EHBP1: variants seen among roughly 807,000 people sequenced by gnomAD.
EHBP1 encodes EH domain binding protein 1.
In EHBP1, 55 loss-of-function variants were observed where a neutral mutation model predicts 144.0. That is an observed-to-expected ratio of 0.38 (90% confidence interval 0.31 to 0.48). EHBP1 has a LOEUF of 0.48. Among genes scored for constraint, EHBP1 ranks in the 20% least tolerant of loss-of-function variants. EHBP1 has a pLI of 0.98. For missense variants in EHBP1, 1,200 were observed against 1,364.2 expected, an observed-to-expected ratio of 0.88 and a Z score of 1.90; for synonymous variants, 469 against 472.7, an observed-to-expected ratio of 0.99 and a Z score of 0.10.
chr2:62,763,488 A>G lies in EHBP1; in HGVS notation c.163-778A>G, dbSNP rs371172528. Among the ~76,000 whole-genome samples the G allele has an allele frequency of 1.6e-4, 24 of 152,336 alleles. 1 individual carries two copies. The South Asian group carries it at 4.8e-3, about 30-fold the overall frequency. On this transcript the variant is annotated intron_variant, in intron 3 of 22. Transcript: ENST00000431489. ...AAATTCTTAAGACATGGACCGGCAC[A>G]TAGAAAGTACTCTGTAAGTGTTAGC...
At chr2:62,872,763 T>A (rs1422514853) in intron 9 of EHBP1, among the ~76,000 whole-genome samples, 3 of 152,156 alleles carry the variant, frequency 2.0e-5, no homozygotes, top group African/African-American at 7.2e-5. Flanking sequence ...TTCCCCCACT[T>A]CCTTCATTCT....
At chr2:62,979,059 A>G (rs1194194349) in intron 14 of EHBP1, 129 bp from the exon 15 acceptor site, 3 of 784,722 alleles carry the variant, frequency 3.8e-6, no homozygotes, top group Non-Finnish European at 5.8e-6. Flanking sequence ...TCCAACTGAT[A>G]TAGAGCATCC....
chr2:62,809,063 C>T (rs549252903), intron 5 of EHBP1, among the ~76,000 whole-genome samples: 10 of 151,978 alleles, frequency 6.6e-5, no homozygotes, highest in Non-Finnish European at 8.8e-5. Flanking sequence ...GAGGCCGAGG[C>T]GGACAGATCA....
chr2:62,732,120 T>C (rs1467866774), intron 2 of EHBP1, among the ~76,000 whole-genome samples: 1 of 152,176 alleles, frequency 6.6e-6, no homozygotes, highest in Non-Finnish European at 1.5e-5. Flanking sequence ...TGTTGCTTTA[T>C]AGGTACGGTG....
intron 10 of EHBP1, among the ~76,000 whole-genome samples, chr2:62,894,561 T>C (rs575372533): frequency 6.6e-6 from 1 of 152,274 alleles, no homozygotes; most frequent in East Asian, 1.9e-4. Context: ...AGTATGAAAG[T>C]GCCCAGTTCA....
Position 62,949,383 on chromosome 2 carries a change from A to C in EHBP1, c.2316+221A>C, listed in dbSNP as rs192803675. ...TAGGAGTTTGAAACCAGCCTGGGTA[A>C]CATAGCGAGTCCCTGTCTCAAGAAA... On this transcript the variant is annotated intron_variant, in intron 13 of 22. Coordinates refer to ENST00000431489, the MANE Select transcript of EHBP1 (RefSeq NM_001142616.3). 1.4e-3 allele frequency among the ~76,000 whole-genome samples: 209 copies of C among 152,272 alleles called. 2 individuals carry two copies. The highest frequency in any genetic ancestry group is 4.8e-3 in the African/African-American group (200 of 41,558).
chr2:62,831,223 ATTTCCCAGG>A, intron 7 of EHBP1, 65 bp downstream of exon 7: 1 of 1,470,644 alleles, frequency 6.8e-7, no homozygotes, highest in Admixed American at 2.6e-5. Flanking sequence ...ACTCATTCTC[ATTTCCCAGG>A]AAAAAACAAT....
chr2:62,837,656 A>C (rs1245156884), intron 7 of EHBP1, among the ~76,000 whole-genome samples: 4 of 147,482 alleles, frequency 2.7e-5, no homozygotes, highest in East Asian at 2.1e-4. Context: ...TCTACCAAGC[A>C]AATGGAAAAC....
chr2:63,023,669 G>A (rs919444558), intron 19 of EHBP1, among the ~76,000 whole-genome samples: 4 of 152,142 alleles, frequency 2.6e-5, no homozygotes, highest in African/African-American at 7.2e-5. Flanking sequence ...GCCAAAACTA[G>A]GAATTGTGTC....
chr2:62,796,431 C>T (rs529587261), intron 5 of EHBP1, among the ~76,000 whole-genome samples: 2 of 152,192 alleles, frequency 1.3e-5, no homozygotes, highest in South Asian at 4.2e-4. Flanking sequence ...AAATAGGTCA[C>T]CTTTTAATAC....
At chr2:62,706,619 G>A (rs1294728486) in intron 1 of EHBP1, 1 of 153,104 alleles carries the variant, frequency 6.5e-6, no homozygotes, top group African/African-American at 2.4e-5. Context: ...TGCTAACAGG[G>A]GGAGGTAGGG....
chr2:62,719,391 C>T (rs145585046), intron 2 of EHBP1, among the ~76,000 whole-genome samples: 3 of 152,112 alleles, frequency 2.0e-5, no homozygotes, highest in East Asian at 3.9e-4. Flanking sequence ...TTAATTCTCA[C>T]GTTGATTTTT....
At position 63,026,530 on chromosome 2, in the gene EHBP1, T is replaced by A. The variant is rs530331794; in HGVS notation, c.3104-11005T>A. Among the ~76,000 whole-genome samples the A allele has an allele frequency of 5.3e-5, 8 of 152,224 alleles. No individual in the cohort carries two copies. In the South Asian group the frequency reaches 1.7e-3, roughly 32 times the overall value. On this transcript the variant is annotated intron_variant, in intron 19 of 22. Transcript: ENST00000431489. ...CCTTTTTACAGATGAGGAAACTGAG[T>A]CTTAGGGAGAATAAATAACTTACAC...
At chr2:62,746,691 T>TA (rs113109399) in intron 2 of EHBP1, among the ~76,000 whole-genome samples, 183 of 152,204 alleles carry the variant, frequency 1.2e-3, no homozygotes, top group African/African-American at 4.0e-3. Context: ...AAACCACAGT[T>TA]ACTTTTGCAC....
intron 7 of EHBP1, among the ~76,000 whole-genome samples, chr2:62,851,481 T>C (rs2048692124): frequency 6.6e-6 from 1 of 152,222 alleles, no homozygotes; most frequent in East Asian, 1.9e-4. Flanking sequence ...CTCTGAGTTA[T>C]ACATCTCTCT....
At chr2:62,720,057 C>A (rs1032608076) in intron 2 of EHBP1, among the ~76,000 whole-genome samples, 3 of 152,104 alleles carry the variant, frequency 2.0e-5, no homozygotes, top group Admixed American at 6.6e-5. Context: ...GAGGCAGTGT[C>A]CAATCTAATT....
chr2:62,759,909 G>A (rs994972124), intron 3 of EHBP1, among the ~76,000 whole-genome samples: 1 of 151,600 alleles, frequency 6.6e-6, no homozygotes, highest in Non-Finnish European at 1.5e-5. Flanking sequence ...TTTTTGGTCA[G>A]ATTTTCCACT....
intron 5 of EHBP1, among the ~76,000 whole-genome samples, chr2:62,806,493 C>G (rs977880823): frequency 1.3e-5 from 2 of 152,038 alleles, no homozygotes; most frequent in Non-Finnish European, 2.9e-5. Flanking sequence ...ACCTCAGCCT[C>G]CTTCGTAGCT....
intron 16 of EHBP1, among the ~76,000 whole-genome samples, chr2:62,991,791 C>T (rs1049043508): frequency 9.9e-5 from 15 of 152,196 alleles, no homozygotes; most frequent in Admixed American, 8.5e-4. Context: ...GCCCTGCTGA[C>T]TGAAAGGATT....
Sources: allele counts gnomAD v4.1 joint callset (sites outside exome capture counted in the v4.1 genomes callset), GRCh38; gene constraint gnomAD v4.1.1; transcripts MANE v1.5; gene names NCBI Gene and HGNC (gene_info 2026-07-23, HGNC 2026-07-21).